Variants in TNXB observed in about 807,000 individuals in gnomAD.
TNXB encodes the protein tenascin-X.
A neutral mutation model predicts 340.5 loss-of-function variants in TNXB; 183 were observed. The observed-to-expected ratio is 0.54, with a 90% confidence interval of 0.48 to 0.61. The LOEUF is 0.61. Ranked by LOEUF, TNXB falls within the 20% of genes least tolerant of loss-of-function variation. The pLI, the probability that TNXB is intolerant of heterozygous loss-of-function variation, is 0.00. For synonymous variants in TNXB, 2,121 were observed against 2,314.5 expected (o/e 0.92, Z 2.40); for missense variants, 4,613 against 5,446.4 (o/e 0.85, Z 4.82).
rs1434606452 is a variant in TNXB at position 32,075,313 on chromosome 6, A to G, written c.4376-1361T>C. Among the ~76,000 whole-genome samples, 1 of 152,210 alleles carries G rather than the reference A, an allele frequency of 6.6e-6. No individual in the cohort carries two copies. The highest frequency in any genetic ancestry group is 6.5e-5 in the Admixed American group (1 of 15,282). On this transcript the variant is annotated intron_variant, in intron 11 of 43. Coordinates refer to ENST00000644971, the MANE Select transcript of TNXB (RefSeq NM_001365276.2). The surrounding 1 kb of genome is among the most constrained non-coding windows in gnomAD (Gnocchi z 4.6). ...GTCCTGCACTGGCCTCTGAGGTCCC[A>G]TATTCATCTCTTAGATCATTCCCTA...
Position 32,097,635 on chromosome 6 carries a change from A to G in TNXB, c.403+161T>C, listed in dbSNP as rs1780487691. 1 of 1,107,056 alleles carries G rather than the reference A, an allele frequency of 9.0e-7. No individual in the cohort carries two copies. Among genetic ancestry groups the G allele is most frequent in the East Asian group, 2.6e-5 (1 of 38,486 alleles). The allele number at this position is 1,107,056 out of a possible 1,614,324, so 68.6% of individuals were successfully genotyped here. On this transcript the variant is annotated intron_variant, in intron 2 of 43. Transcript: ENST00000644971. This position sits in a 1 kb window ranked among gnomAD's most constrained non-coding sequence, Gnocchi z 5.9. ...GGCCCTCGCATATGCTTTGGTTGAC[A>G]TGTAGCCCAGCTCTGCTCTCCAAGT...
In TNXB at chr6:32,049,635, C is replaced by A. The variant is rs373531814; in HGVS notation, c.9440-48G>T. The A allele has an allele frequency of 6.6e-4, 1,044 of 1,577,484 alleles. 18 individuals carry two copies. Among genetic ancestry groups the A allele is most frequent in the Non-Finnish European group, 1.5e-4 (177 of 1,159,344 alleles). On this transcript the variant is annotated intron_variant, in intron 27 of 43. Transcript: ENST00000644971. This position sits in a 1 kb window ranked among gnomAD's most constrained non-coding sequence, Gnocchi z 4.5. ...GAGAGTGAGGGGGATGTCCTTGGGT[C>A]CTGGGGAAAAGGAGGGAGAAGCCAA...
At position 32,046,514 on chromosome 6, in the gene TNXB, G is replaced by T. The variant is rs1169255606; in HGVS notation, c.10325-58C>A. 1.4e-6 allele frequency: 2 copies of T among 1,458,034 alleles called. No individual in the cohort carries two copies. The highest frequency in any genetic ancestry group is 4.5e-5 in the Admixed American group (2 of 44,934). The allele number at this position is 1,458,034 out of a possible 1,614,324, so 90.3% of individuals were successfully genotyped here. A position where few individuals can be genotyped will look rare whatever the true frequency, so the allele number is the denominator to read the frequency against. On this transcript the variant is annotated intron_variant, in intron 30 of 43. Transcript: ENST00000644971. This position sits in a 1 kb window ranked among gnomAD's most constrained non-coding sequence, Gnocchi z 6.9. ...ACATGCTGCCTTTGCCTAAGCCCTGGCAGCCTCCCGGAGGTGTGAGGTTCT... is the reference window on the plus strand; with the variant it reads ...ACATGCTGCCTTTGCCTAAGCCCTGTCAGCCTCCCGGAGGTGTGAGGTTCT...
chr6:32,072,029 C>T lies in TNXB; in HGVS notation c.4951G>A (p.Gly1651Arg), dbSNP rs963344266. The T allele has an allele frequency of 1.5e-5, 24 of 1,608,390 alleles. No homozygotes were observed. In the African/African-American group the frequency reaches 2.9e-4, roughly 20 times the overall value. ...ACAGAGACTGGGCTGCGTCGTTTCC[C>T]ATCCTGGATCCCAAAGAGCAGGAAC... ...YKFLLFGIQDGKRRSPVSVEA... is the reference protein window; with the variant it reads ...YKFLLFGIQDRKRRSPVSVEA... Residue 1651 changes from glycine (G) to arginine (R), a missense_variant, in exon 13 of 44, where the codon GGG (glycine) becomes AGG (arginine). Transcript: ENST00000644971. This position sits in a 1 kb window ranked among gnomAD's most constrained non-coding sequence, Gnocchi z 4.4.
rs1434502396 is a variant in TNXB at position 32,078,093 on chromosome 6, AAGAAAG to A, written c.4375+934_4375+939del. ...AGAAAGAGAAAGAAAGAAAGAAAGAAAGAAAGAAAGAAAGAAAGAAAGAAAGAAAGA... is the reference window on the plus strand; with the variant it reads ...AGAAAGAGAAAGAAAGAAAGAAAGAAAAAGAAAGAAAGAAAGAAAGAAAGA... On this transcript the variant is annotated intron_variant, in intron 11 of 43. Transcript: ENST00000644971. 2.1e-3 allele frequency among the ~76,000 whole-genome samples: 288 copies of A among 134,974 alleles called. 4 individuals carry two copies. Among genetic ancestry groups the A allele is most frequent in the Admixed American group, 7.3e-3 (96 of 13,152 alleles). The allele number at this position is 134,974 out of a possible 152,430, so 88.5% of individuals were successfully genotyped here.
At chr6:32,078,963 C>T (rs1779269550) in intron 11 of TNXB, 70 bp downstream of exon 11, 3 of 1,504,154 alleles carry the variant, frequency 2.0e-6, no homozygotes, top group Non-Finnish European at 2.7e-6. Flanking sequence ...GCAAGGAGAG[C>T]AACTGGCTAC....
chr6:32,095,605 G>C lies in TNXB; in HGVS notation c.2242+6C>G. 6.2e-7 allele frequency: 1 copy of C among 1,606,726 alleles called. No individual in the cohort carries two copies. The highest frequency in any genetic ancestry group is 8.5e-7 in the Non-Finnish European group (1 of 1,174,610). On this transcript the variant is annotated splice_donor_region_variant and intron_variant, in intron 3 of 43. Coordinates refer to ENST00000644971, the MANE Select transcript of TNXB (RefSeq NM_001365276.2). ...CAGAGTACACTGGGGAAGGCTGCCT[G>C]CTCACCTTCTCCGCAGTCTTCGCCA...
At position 32,056,707 on chromosome 6, in the gene TNXB, C is replaced by T; in HGVS notation, c.8022G>A (p.Val2674=). 1 of 1,613,170 alleles carries T rather than the reference C, an allele frequency of 6.2e-7. No homozygotes were observed. Among genetic ancestry groups the T allele is most frequent in the Non-Finnish European group, 8.5e-7 (1 of 1,179,870 alleles). Reference sequence around the variant, plus strand: ...TGGTGACCCCGTCCTCGTGCCCCGGCACCCGCACCGCCTTGGGCTGCCCAT... The same window carrying T: ...TGGTGACCCCGTCCTCGTGCCCCGGTACCCGCACCGCCTTGGGCTGCCCAT... ...NGDGQPKAVR[V]PGHEDGVTIS... is the part of the protein sequence containing the mutation. Residue 2674 remains valine, a synonymous_variant, in exon 23 of 44, where the codon GTG becomes GTA. Coordinates refer to ENST00000644971, the MANE Select transcript of TNXB (RefSeq NM_001365276.2).
In TNXB at chr6:32,062,560, C is replaced by T. The variant is rs1778097812; in HGVS notation, c.6842-77G>A. Reference sequence around the variant, plus strand: ...CAAGGGACTCTGGGATTCTCTTAGACACACCAAGGGCCCACAGTCTGGATG... The same window carrying T: ...CAAGGGACTCTGGGATTCTCTTAGATACACCAAGGGCCCACAGTCTGGATG... On this transcript the variant is annotated intron_variant, in intron 19 of 43. Transcript: ENST00000644971. This position sits in a 1 kb window ranked among gnomAD's most constrained non-coding sequence, Gnocchi z 4.3. 4.4e-6 allele frequency: 6 copies of T among 1,373,696 alleles called. No individual in the cohort carries two copies. Among genetic ancestry groups the T allele is most frequent in the South Asian group, 4.2e-5 (3 of 70,618 alleles). 85.1% of individuals were successfully genotyped at this position (1,373,696 alleles called of 1,614,324 possible).
At chr6:32,077,888 G>A (rs1442587340) in intron 11 of TNXB, among the ~76,000 whole-genome samples, 3 of 152,014 alleles carry the variant, frequency 2.0e-5, no homozygotes, top group Non-Finnish European at 4.4e-5. Context: ...TTAGCCAGGT[G>A]TGGTGGTGCA....
At position 32,050,198 on chromosome 6, in the gene TNXB, C is replaced by T; in HGVS notation, c.9239G>A (p.Trp3080Ter). 1.2e-6 allele frequency: 2 copies of T among 1,613,824 alleles called. No homozygotes were observed. Among genetic ancestry groups the T allele is most frequent in the Non-Finnish European group, 1.7e-6 (2 of 1,179,878 alleles). The change falls in exon 27 of 44, where the codon TGG (tryptophan) becomes TAG (stop). Residue 3080 changes from tryptophan (W) to a stop codon, truncating the protein, a stop_gained. Transcript: ENST00000644971. LOFTEE classifies it high-confidence loss of function. ...DATPDSLSLS[W>*]MVPEGQFDHF... ...GTCAAACTGGCCCTCGGGAACCATC[C>T]AGGACAGGCTGAGGGAGTCGGGGGT...
Position 32,052,540 on chromosome 6 carries a change from C to T in TNXB, c.9115+130G>A. The T allele has an allele frequency of 7.6e-7, 1 of 1,312,656 alleles. No individual in the cohort carries two copies. The highest frequency in any genetic ancestry group is 1.0e-6 in the Non-Finnish European group (1 of 978,138). 81.3% of individuals were successfully genotyped at this position (1,312,656 alleles called of 1,614,324 possible). A position where few individuals can be genotyped will look rare whatever the true frequency, so the allele number is the denominator to read the frequency against. On this transcript the variant is annotated intron_variant, in intron 26 of 43. Transcript: ENST00000644971. The surrounding 1 kb of genome is among the most constrained non-coding windows in gnomAD (Gnocchi z 4.7). ...TGCTGAATCCAAATCTGCTTTTTAA[C>T]AAAAATCTCCAGGCATTTGGATACA...
chr6:32,058,330 C>T lies in TNXB; in HGVS notation c.7553G>A (p.Gly2518Glu), dbSNP rs1009382. The change falls in exon 22 of 44, where the codon GGG becomes GAG. Residue 2518 changes from glycine to glutamate, a missense_variant. Gly to Glu is a moderately conservative substitution (Grantham distance 98). Transcript: ENST00000644971. The surrounding 1 kb of genome is among the most constrained non-coding windows in gnomAD (Gnocchi z 5.1). ...SPTEPGTEAP[G>E]PPEEPLLGEL... ...CCCCAGGAGAGGCTCCTCGGGGGGC[C>T]CTGGGGCCTCTGTGCCTGGTTCTGT... is the stretch of plus-strand genomic sequence containing the variant. 1,145,012 of 1,611,184 alleles carry T rather than the reference C, an allele frequency of 0.71. 409,280 individuals are homozygous for T. Among genetic ancestry groups the T allele is most frequent in the Admixed American group, 0.78 (46,580 of 59,938 alleles).
rs777035949 is a variant in TNXB at position 32,049,606 on chromosome 6, G to C, written c.9440-19C>G. On this transcript the variant is annotated intron_variant, in intron 27 of 43. Transcript: ENST00000644971. The surrounding 1 kb of genome is among the most constrained non-coding windows in gnomAD (Gnocchi z 4.5). ...TCTTCCTCTGCAGTGGAGAAGGAGG[G>C]AGAGAGAGTGAGGGGGATGTCCTTG... 74 of 1,604,314 alleles carry C rather than the reference G, an allele frequency of 4.6e-5. No homozygotes were observed. Among genetic ancestry groups the C allele is most frequent in the Non-Finnish European group, 5.8e-5 (68 of 1,174,130 alleles).
chr6:32,045,874 G>C, intron 31 of TNXB: 1 of 1,171,334 alleles, frequency 8.5e-7, no homozygotes, highest in Non-Finnish European at 1.1e-6. Flanking sequence ...GCCACCCTTC[G>C]GGGAGGCGAC....
In TNXB at chr6:32,052,189, C is replaced by T. The variant is rs1456180829; in HGVS notation, c.9115+481G>A. Among the ~76,000 whole-genome samples, 1 of 152,000 alleles carries T rather than the reference C, an allele frequency of 6.6e-6. No individual in the cohort carries two copies. Among genetic ancestry groups the T allele is most frequent in the East Asian group, 1.9e-4 (1 of 5,168 alleles). On this transcript the variant is annotated intron_variant, in intron 26 of 43. Transcript: ENST00000644971. This position sits in a 1 kb window ranked among gnomAD's most constrained non-coding sequence, Gnocchi z 4.7. ...ATGGTCGGCTGGGCGCCGTGGCTCA[C>T]GCCTATGATCCCAGCACTTTGGGAG...
Position 32,068,291 on chromosome 6 carries a change from C to T in TNXB, c.6220+99G>A. On this transcript the variant is annotated intron_variant, in intron 17 of 43. Transcript: ENST00000644971. This position sits in a 1 kb window ranked among gnomAD's most constrained non-coding sequence, Gnocchi z 5.3. ...CCCAGCCACAAGCAGGTCTGTGGTGCTGACCAGACCCTTGTCCCATTCCCC... is the reference window on the plus strand; with the variant it reads ...CCCAGCCACAAGCAGGTCTGTGGTGTTGACCAGACCCTTGTCCCATTCCCC... 2 of 1,493,906 alleles carry T rather than the reference C, an allele frequency of 1.3e-6. No homozygotes were observed. Among genetic ancestry groups the T allele is most frequent in the Admixed American group, 4.1e-5 (2 of 49,326 alleles). 92.5% of individuals were successfully genotyped at this position (1,493,906 alleles called of 1,614,324 possible). A position where few individuals can be genotyped will look rare whatever the true frequency, so the allele number is the denominator to read the frequency against.
Position 32,081,320 on chromosome 6 carries a change from C to A in TNXB, c.4042+48G>T. ...GAAGGAGCCCCAGCCAAGTCCCGCTCACAGGATGGGGCTAGCAGGGGAGGG... is the reference window on the plus strand; with the variant it reads ...GAAGGAGCCCCAGCCAAGTCCCGCTAACAGGATGGGGCTAGCAGGGGAGGG... On this transcript the variant is annotated intron_variant, in intron 10 of 43. Transcript: ENST00000644971. This position sits in a 1 kb window ranked among gnomAD's most constrained non-coding sequence, Gnocchi z 5.1. 1 of 1,493,674 alleles carries A rather than the reference C, an allele frequency of 6.7e-7. No homozygotes were observed. Among genetic ancestry groups the A allele is most frequent in the South Asian group, 1.3e-5 (1 of 76,880 alleles). 92.5% of individuals were successfully genotyped at this position (1,493,674 alleles called of 1,614,324 possible).
chr6:32,055,080 C>A (rs946079930), intron 24 of TNXB, among the ~76,000 whole-genome samples: 4 of 152,222 alleles, frequency 2.6e-5, no homozygotes, highest in African/African-American at 4.8e-5. Flanking sequence ...TTTGGCCTTG[C>A]TCTAGTTGAC....
Sources: allele counts gnomAD v4.1 joint callset (sites outside exome capture counted in the v4.1 genomes callset), GRCh38; gene constraint gnomAD v4.1.1; non-coding constraint Gnocchi (gnomAD v3.1); transcripts MANE v1.5; gene names NCBI Gene and HGNC (gene_info 2026-07-23, HGNC 2026-07-21).